ROBO1: variants seen among roughly 807,000 people sequenced by gnomAD.
ROBO1 encodes roundabout homolog 1.
ROBO1 carries 149 observed loss-of-function variants against 195.9 expected under a neutral mutation model. The observed-to-expected ratio is 0.76, with a 90% CI of 0.67 to 0.87. The LOEUF (loss-of-function observed/expected upper bound fraction) is 0.87, where lower values mean the gene tolerates loss of function less well. Ranked by LOEUF, ROBO1 falls within the 40% of genes least tolerant of loss-of-function variation. The probability of loss-of-function intolerance (pLI) is 0.00; values close to 1 mark genes in which losing one functional copy is unlikely to be tolerated. For missense variants in ROBO1, 1,933 were observed against 2,068.3 expected (o/e 0.93, Z 1.27); for synonymous variants, 816 against 733.2 (o/e 1.11, Z -1.82).
chr3:78,660,129 C>G (rs1414076654), intron 16 of ROBO1: 2 of 181,382 alleles, frequency 1.1e-5, no homozygotes, highest in Non-Finnish European at 1.2e-5. Context: ...CCGCCTTGGC[C>G]AGGCTGGTCT....
intron 4 of ROBO1, among the ~76,000 whole-genome samples, chr3:78,884,651 G>GAAA (rs1491439440): frequency 0.016 from 517 of 32,222 alleles, 6 homozygotes; most frequent in African/African-American, 0.054. Context: ...AAGAAAGAAA[G>GAAA]GAAGGAAGGA....
chr3:78,735,396 G>A (rs1337801727), intron 5 of ROBO1, among the ~76,000 whole-genome samples: 4 of 152,084 alleles, frequency 2.6e-5, no homozygotes, highest in Admixed American at 1.3e-4. Flanking sequence ...TGGTTGTTAG[G>A]GCAGTTTCAA....
At chr3:78,794,061 T>C (rs1425599608) in intron 4 of ROBO1, among the ~76,000 whole-genome samples, 1 of 152,208 alleles carries the variant, frequency 6.6e-6, no homozygotes, top group Non-Finnish European at 1.5e-5. Flanking sequence ...AGACCTACAC[T>C]TTATTTTTAA....
At chr3:79,330,430 T>C (rs2109168943) in intron 2 of ROBO1, among the ~76,000 whole-genome samples, 1 of 151,230 alleles carries the variant, frequency 6.6e-6, no homozygotes, top group East Asian at 1.9e-4. Flanking sequence ...CATAAACTCA[T>C]AATGGTTTTT....
At position 79,510,450 on chromosome 3, in the gene ROBO1, G is replaced by T. The variant is rs139248111; in HGVS notation, c.88+79374C>A. Among the ~76,000 whole-genome samples the T allele has an allele frequency of 5.0e-3, 760 of 152,016 alleles. 5 individuals are homozygous for T. The highest frequency in any genetic ancestry group is 8.5e-3 in the Admixed American group (130 of 15,262). ...CCCCATTCTCTGGCATTTCTTCATC[G>T]CACCATGAGAATGGACTAATATATG... On this transcript the variant is annotated intron_variant, in intron 2 of 30. Transcript: ENST00000464233.
chr3:79,602,037 AT>A (rs1944354881), intron 1 of ROBO1, among the ~76,000 whole-genome samples: 1 of 151,952 alleles, frequency 6.6e-6, no homozygotes, highest in African/African-American at 2.4e-5. Context: ...TAATACTTAA[AT>A]GAGCTGCAAA....
At chr3:79,159,975 C>T (rs1177158732) in intron 2 of ROBO1, among the ~76,000 whole-genome samples, 1 of 151,954 alleles carries the variant, frequency 6.6e-6, no homozygotes, top group Non-Finnish European at 1.5e-5. Flanking sequence ...CTCTATATGT[C>T]TGAGAAAAAA....
intron 2 of ROBO1, among the ~76,000 whole-genome samples, chr3:79,567,794 C>T (rs1254926491): frequency 6.6e-6 from 1 of 152,012 alleles, no homozygotes; most frequent in Non-Finnish European, 1.5e-5. Context: ...AAATTATTTT[C>T]ATTAGTCCAT....
intron 3 of ROBO1, among the ~76,000 whole-genome samples, chr3:79,066,021 A>G (rs2078997184): frequency 6.6e-6 from 1 of 151,958 alleles, no homozygotes. Flanking sequence ...AAGACTTTAG[A>G]CTTGCCAAAT....
At chr3:78,771,597 T>A (rs1358891730) in intron 4 of ROBO1, among the ~76,000 whole-genome samples, 1 of 152,188 alleles carries the variant, frequency 6.6e-6, no homozygotes, top group Non-Finnish European at 1.5e-5. Context: ...GATCTCCTTG[T>A]TGAACTCTTT....
At chr3:79,408,322 G>A (rs2037632575) in intron 2 of ROBO1, among the ~76,000 whole-genome samples, 1 of 151,628 alleles carries the variant, frequency 6.6e-6, no homozygotes, top group South Asian at 2.1e-4. Flanking sequence ...TGAAGGAAAA[G>A]TTTTCTTTAT....
intron 4 of ROBO1, among the ~76,000 whole-genome samples, chr3:78,920,351 C>CTGGA (rs1249784184): frequency 1.1e-4 from 16 of 152,068 alleles, no homozygotes; most frequent in Middle Eastern, 3.4e-3. Flanking sequence ...GTTGCCCAGG[C>CTGGA]TGGAGTACAG....
chr3:79,664,786 C>T (rs1327314761), intron 1 of ROBO1, among the ~76,000 whole-genome samples: 5 of 151,814 alleles, frequency 3.3e-5, no homozygotes, highest in African/African-American at 4.8e-5. Context: ...ATAAATTTTC[C>T]GTGGAAGTGA....
intron 2 of ROBO1, among the ~76,000 whole-genome samples, chr3:79,298,330 T>C (rs2032706799): frequency 6.6e-6 from 1 of 150,640 alleles, no homozygotes; most frequent in South Asian, 2.1e-4. Context: ...GTACACTCTT[T>C]ACTGCATTTT....
intron 1 of ROBO1, among the ~76,000 whole-genome samples, chr3:79,689,683 C>T (rs1043491389): frequency 5.9e-5 from 9 of 151,794 alleles, no homozygotes; most frequent in African/African-American, 2.4e-5. Context: ...TTGCTTTTTC[C>T]ATCTATAATT....
chr3:78,881,605 C>A (rs981934128), intron 4 of ROBO1, among the ~76,000 whole-genome samples: 3 of 152,170 alleles, frequency 2.0e-5, no homozygotes, highest in African/African-American at 7.2e-5. Flanking sequence ...AATTTCCCAA[C>A]AAGAGCCACT....
At chr3:79,178,063 T>C (rs115374180) in intron 2 of ROBO1, among the ~76,000 whole-genome samples, 3,161 of 152,328 alleles carry the variant, frequency 0.021, 58 homozygotes, top group Middle Eastern at 0.024. Context: ...ATGGAAGTTA[T>C]TAGCTTTTAC....
intron 2 of ROBO1, among the ~76,000 whole-genome samples, chr3:79,361,946 A>G (rs1559845520): frequency 1.3e-5 from 2 of 152,120 alleles, no homozygotes; most frequent in Non-Finnish European, 2.9e-5. Context: ...TAGCGTCCAA[A>G]GGCAGCTTAG....
intron 4 of ROBO1, among the ~76,000 whole-genome samples, chr3:78,915,875 C>A (rs948041450): frequency 1.3e-5 from 2 of 152,114 alleles, no homozygotes; most frequent in Non-Finnish European, 2.9e-5. Context: ...CCAGGTTAGT[C>A]TGGAACTCCT....
Sources: allele counts gnomAD v4.1 joint callset (sites outside exome capture counted in the v4.1 genomes callset), GRCh38; gene constraint gnomAD v4.1.1; transcripts MANE v1.5; gene names NCBI Gene and HGNC (gene_info 2026-07-23, HGNC 2026-07-21).